NRG3: variants seen among roughly 807,000 people sequenced by gnomAD.
The protein encoded by NRG3 is neuregulin 3.
NRG3 carries 31 observed loss-of-function variants against 66.9 expected under a neutral mutation model. The ratio of observed to expected loss-of-function variants is 0.46; its 90% CI spans 0.35 to 0.63. The LOEUF is 0.63. NRG3 is among the 20% of genes least tolerant of loss of function. NRG3 has a pLI of 0.00. For synonymous variants in NRG3, 393 were observed against 359.4 expected (o/e 1.09, Z -1.06); for missense variants, 910 against 878.9 (o/e 1.04, Z -0.45).
chr10:82,231,712 G>A (rs2076475231), intron 1 of NRG3, among the ~76,000 whole-genome samples: 3 of 152,056 alleles, frequency 2.0e-5, no homozygotes, highest in Admixed American at 2.0e-4. Flanking sequence ...TTAGTTGCAG[G>A]AGACATAATT....
At chr10:82,679,716 A>G (rs1216100963) in intron 2 of NRG3, among the ~76,000 whole-genome samples, 1 of 152,170 alleles carries the variant, frequency 6.6e-6, no homozygotes, top group African/African-American at 2.4e-5. Context: ...TATCAACTCT[A>G]TGAGATAAAC....
chr10:82,159,156 C>T (rs1445969394), intron 1 of NRG3, among the ~76,000 whole-genome samples: 2 of 151,802 alleles, frequency 1.3e-5, no homozygotes, highest in African/African-American at 2.4e-5. Context: ...AGGTGCATCA[C>T]CTGAAAGTAA....
At chr10:82,217,273 G>C (rs950632117) in intron 1 of NRG3, among the ~76,000 whole-genome samples, 3 of 152,168 alleles carry the variant, frequency 2.0e-5, no homozygotes, top group African/African-American at 7.2e-5. Flanking sequence ...TAAGCTGGTA[G>C]TTAGTGTGGA....
At chr10:82,415,101 C>T (rs1442822994) in intron 2 of NRG3, among the ~76,000 whole-genome samples, 2 of 152,126 alleles carry the variant, frequency 1.3e-5, no homozygotes, top group Admixed American at 1.3e-4. Flanking sequence ...TAAAATTAAC[C>T]ATTCCAGAGG....
chr10:82,345,577 G>A (rs1445489688), intron 1 of NRG3, among the ~76,000 whole-genome samples: 1 of 151,472 alleles, frequency 6.6e-6, no homozygotes, highest in African/African-American at 2.4e-5. Context: ...GAACTTTAAA[G>A]TAGTTTTTTC....
chr10:82,246,002 A>G (rs1484934784), intron 1 of NRG3, among the ~76,000 whole-genome samples: 1 of 50,192 alleles, frequency 2.0e-5, no homozygotes, highest in Non-Finnish European at 3.4e-5. Context: ...TTTTTTTTTT[A>G]ACTCAACATA....
chr10:81,993,052 A>T (rs955114799), intron 1 of NRG3, among the ~76,000 whole-genome samples: 1 of 152,178 alleles, frequency 6.6e-6, no homozygotes, highest in Non-Finnish European at 1.5e-5. Flanking sequence ...ATGTCATGTT[A>T]CTATTTGAAC....
intron 2 of NRG3, among the ~76,000 whole-genome samples, chr10:82,673,022 A>T (rs1228072323): frequency 6.6e-6 from 1 of 152,196 alleles, no homozygotes; most frequent in Admixed American, 6.5e-5. Flanking sequence ...AAGTGTTGGG[A>T]TTACAGGCGT....
At position 82,099,718 on chromosome 10, in the gene NRG3, A is replaced by G. The variant is rs115352887; in HGVS notation, c.823+223555A>G. Among the ~76,000 whole-genome samples the G allele has an allele frequency of 1.0e-3, 155 of 152,150 alleles. 1 individual carries two copies. Among genetic ancestry groups the G allele is most frequent in the African/African-American group, 3.5e-3 (147 of 41,538 alleles). ...GGGCACTGTGGCTCACATCTCTAAT[A>G]TCAACACTTTGGGAGACTGAAGAGG... On this transcript the variant is annotated intron_variant, in intron 1 of 8. Transcript: ENST00000372141.
chr10:82,672,642 ACAAAACAAAT>A (rs2053371902), intron 2 of NRG3, among the ~76,000 whole-genome samples: 1 of 152,072 alleles, frequency 6.6e-6, no homozygotes, highest in Non-Finnish European at 1.5e-5. Context: ...CAAGGGAAAA[ACAAAACAAAT>A]CAAAACAAAA....
At chr10:82,814,493 T>G (rs74532268) in intron 3 of NRG3, among the ~76,000 whole-genome samples, 1,986 of 152,334 alleles carry the variant, frequency 0.013, 40 homozygotes, top group African/African-American at 0.042. Context: ...AGGAAGCCTG[T>G]GGAGCCAGGT....
chr10:82,111,611 C>G (rs10490934), intron 1 of NRG3, among the ~76,000 whole-genome samples: 4,418 of 152,178 alleles, frequency 0.029, 224 homozygotes, highest in African/African-American at 0.1. Flanking sequence ...TCCATGAACT[C>G]TTTTTTGCTT....
Position 82,427,037 on chromosome 10 carries a change from G to A in NRG3, c.953+68169G>A, listed in dbSNP as rs142459947. On this transcript the variant is annotated intron_variant, in intron 2 of 8. Coordinates refer to ENST00000372141, the MANE Select transcript of NRG3 (RefSeq NM_001010848.4). ...GATTTTTGTATATAGGCCTCATATCGTGCAATCATACTGAACTTTTAAATT... is the reference window on the plus strand; with the variant it reads ...GATTTTTGTATATAGGCCTCATATCATGCAATCATACTGAACTTTTAAATT... 1.9e-4 allele frequency among the ~76,000 whole-genome samples: 29 copies of A among 152,096 alleles called. 1 individual carries two copies. The East Asian group carries it at 3.3e-3, about 17-fold the overall frequency.
At chr10:82,756,862 T>A (rs17100748) in intron 3 of NRG3, among the ~76,000 whole-genome samples, 2 of 151,946 alleles carry the variant, frequency 1.3e-5, no homozygotes, top group Non-Finnish European at 2.9e-5. Context: ...GCATATTTCA[T>A]TGACTCTTCT....
chr10:82,175,890 A>G (rs2072999683), intron 1 of NRG3, among the ~76,000 whole-genome samples: 1 of 152,194 alleles, frequency 6.6e-6, no homozygotes. Context: ...TGATTTCTAC[A>G]GTAACTCCAT....
At chr10:82,070,671 GA>G (rs1243162571) in intron 1 of NRG3, among the ~76,000 whole-genome samples, 20 of 151,776 alleles carry the variant, frequency 1.3e-4, no homozygotes, top group African/African-American at 4.8e-4. Flanking sequence ...TAAATGATAG[GA>G]AAAAAACGAA....
At chr10:82,553,285 C>G (rs1334959716) in intron 2 of NRG3, among the ~76,000 whole-genome samples, 1 of 148,450 alleles carries the variant, frequency 6.7e-6, no homozygotes, top group Non-Finnish European at 1.5e-5. Flanking sequence ...TTTTTTTTTT[C>G]TAAAGACAAA....
intron 1 of NRG3, chr10:82,228,855 T>C (rs1027244082): frequency 3.3e-5 from 5 of 152,226 alleles, no homozygotes; most frequent in South Asian, 4.1e-4. Flanking sequence ...GGCAAGTGCA[T>C]GCCTGGAAGC....
intron 1 of NRG3, among the ~76,000 whole-genome samples, chr10:82,019,146 G>T (rs2061934129): frequency 6.6e-6 from 1 of 152,134 alleles, no homozygotes; most frequent in Non-Finnish European, 1.5e-5. Context: ...TTAGCATGAA[G>T]GGCTGTTGAA....
Sources: allele counts gnomAD v4.1 joint callset (sites outside exome capture counted in the v4.1 genomes callset), GRCh38; gene constraint gnomAD v4.1.1; transcripts MANE v1.5; gene names NCBI Gene and HGNC (gene_info 2026-07-23, HGNC 2026-07-21).